The following TTPA variants were observed in gnomAD, a reference collection of about 807,000 sequenced individuals.
The protein encoded by TTPA is alpha tocopherol transfer protein.
Under a neutral mutation model 25.9 loss-of-function variants are expected in TTPA, and 23 were observed. That is an observed-to-expected ratio of 0.89 (90% CI 0.64 to 1.26). The LOEUF (loss-of-function observed/expected upper bound fraction) is 1.26. Among genes scored for constraint, TTPA ranks in the 50% most tolerant of loss-of-function variants. The probability of loss-of-function intolerance (pLI) is 0.00; values close to 1 mark genes in which losing one functional copy is unlikely to be tolerated. For missense variants in TTPA, 337 were observed against 353.1 expected, an observed-to-expected ratio of 0.95 and a Z score of 0.37; for synonymous variants, 148 against 137.3, an observed-to-expected ratio of 1.08 and a Z score of -0.54.
rs1805350182 is a variant in TTPA, at chr8:63,064,112, C to A, written c.663+94G>T. 3 of 836,064 alleles carry A rather than the reference C, an allele frequency of 3.6e-6. No individual in the cohort carries two copies. In the Admixed American group the frequency reaches 6.3e-5, roughly 18 times the overall value. The allele number at this position is 836,064 out of a possible 1,614,324, so 51.8% of individuals were successfully genotyped here. On this transcript the variant is annotated intron_variant, in intron 4 of 4. Coordinates refer to ENST00000260116, the MANE Select transcript of TTPA (RefSeq NM_000370.3). ...ATATTGGGCTAATGATATAGATGGG[C>A]AGGTACGAGGAAAGATGATAAAGCA...
Position 63,085,831 on chromosome 8 carries a change from T to C in TTPA, c.191A>G (p.Asp64Gly), listed in dbSNP as rs397515523. The C allele has an allele frequency of 6.5e-7, 1 of 1,536,446 alleles. No homozygotes were observed. Among genetic ancestry groups the C allele is most frequent in the South Asian group, 1.2e-5 (1 of 83,642 alleles). The change falls in exon 1 of 5, where the codon GAC becomes GGC. Residue 64 changes from aspartate (D) to glycine (G), a missense_variant. Asp to Gly is a moderately conservative substitution (Grantham distance 94). Transcript: ENST00000260116. ...ACGCACGCTTACCCGCCAGGCCAGG[T>C]CCAGATCGAAATCCCGGGCGCGCAG... ...RFLRARDFDL[D>G]LAWRLLKNYY...
chr8:63,078,358 G>C (rs757456663), intron 1 of TTPA, among the ~76,000 whole-genome samples: 25 of 152,156 alleles, frequency 1.6e-4, no homozygotes, highest in Non-Finnish European at 2.8e-4. Context: ...ACAGAAGTAG[G>C]CTTCACAAGG....
intron 1 of TTPA, among the ~76,000 whole-genome samples, chr8:63,080,028 G>T (rs1214410673): frequency 1.3e-5 from 2 of 152,088 alleles, no homozygotes; most frequent in South Asian, 2.1e-4. Flanking sequence ...ACTCAAAACC[G>T]CACAACTACA....
intron 4 of TTPA, 84 bp from the exon 5 acceptor site, chr8:63,061,509 A>C: frequency 8.2e-7 from 1 of 1,226,504 alleles, no homozygotes; most frequent in Non-Finnish European, 1.2e-6. Context: ...AAGGTATTCT[A>C]ATAACTTCTA....
chr8:63,073,913 C>T (rs1054024164), intron 1 of TTPA, among the ~76,000 whole-genome samples: 4 of 152,048 alleles, frequency 2.6e-5, no homozygotes, highest in African/African-American at 7.2e-5. Context: ...AAAGAACCAC[C>T]GGAAATAGCT....
chr8:63,078,046 T>A (rs1036637176), intron 1 of TTPA, among the ~76,000 whole-genome samples: 1 of 152,124 alleles, frequency 6.6e-6, no homozygotes, highest in Non-Finnish European at 1.5e-5. Flanking sequence ...GCAAACAGGG[T>A]CTGGAATGGA....
At chr8:63,069,502 G>A (rs1805449356) in intron 2 of TTPA, among the ~76,000 whole-genome samples, 2 of 151,998 alleles carry the variant, frequency 1.3e-5, no homozygotes, top group African/African-American at 4.8e-5. Flanking sequence ...GTCTGATGGG[G>A]GAGGATTGCT....
chr8:63,072,970 T>A lies in TTPA; in HGVS notation c.323A>T (p.Asp108Val). The A allele has an allele frequency of 2.5e-6, 4 of 1,614,106 alleles. No individual in the cohort carries two copies. Among genetic ancestry groups the A allele is most frequent in the African/African-American group, 1.3e-5 (1 of 75,038 alleles). ...AGYHGVLRSR[D>V]PTGSKVLIYR... The stretch of plus-strand genomic sequence containing the variant: ...AATAAGAACTTTGCTGCCAGTGGGA[T>A]CCCTGGATCTCAGGACTCCATGGTA... Residue 108 changes from aspartate to valine, a missense_variant, in exon 2 of 5, where the codon GAT becomes GTT. Transcript: ENST00000260116.
At chr8:63,078,541 G>A (rs1214809746) in intron 1 of TTPA, among the ~76,000 whole-genome samples, 3 of 152,196 alleles carry the variant, frequency 2.0e-5, no homozygotes, top group Non-Finnish European at 4.4e-5. Flanking sequence ...TGTGATGCAC[G>A]CACAAGCTTC....
At chr8:63,077,918 A>G (rs190934158) in intron 1 of TTPA, among the ~76,000 whole-genome samples, 5 of 152,302 alleles carry the variant, frequency 3.3e-5, no homozygotes, top group Admixed American at 3.3e-4. Context: ...AGGGGCCGAC[A>G]GACACCTCAT....
intron 1 of TTPA, among the ~76,000 whole-genome samples, chr8:63,083,341 C>T (rs1022776091): frequency 3.9e-5 from 6 of 152,132 alleles, no homozygotes; most frequent in Admixed American, 2.6e-4. Flanking sequence ...TTTGCAGGGA[C>T]GTGGACGAAG....
chr8:63,058,435 T>C (rs978235221), downstream of TTPA, among the ~76,000 whole-genome samples: 4 of 152,228 alleles, frequency 2.6e-5, no homozygotes, highest in African/African-American at 9.6e-5. Flanking sequence ...TTATTTTCTT[T>C]CAAACAATAT....
At chr8:63,084,218 G>A (rs1307031214) in intron 1 of TTPA, among the ~76,000 whole-genome samples, 1 of 152,114 alleles carries the variant, frequency 6.6e-6, no homozygotes, top group Non-Finnish European at 1.5e-5. Context: ...AAGACAGTTT[G>A]TTATATTACT....
intron 1 of TTPA, among the ~76,000 whole-genome samples, chr8:63,073,375 C>T (rs1158135410): frequency 1.3e-5 from 2 of 152,308 alleles, no homozygotes; most frequent in African/African-American, 4.8e-5. Context: ...ATGCACCATT[C>T]TTCCCATTAA....
At chr8:63,085,120 A>T (rs1805727229) in intron 1 of TTPA, among the ~76,000 whole-genome samples, 1 of 152,220 alleles carries the variant, frequency 6.6e-6, no homozygotes, top group Admixed American at 6.5e-5. Flanking sequence ...TCAATGAGAC[A>T]GGCATTTCCA....
At chr8:63,066,546 T>C (rs1306200257) in intron 2 of TTPA, among the ~76,000 whole-genome samples, 2 of 152,272 alleles carry the variant, frequency 1.3e-5, no homozygotes, top group South Asian at 4.2e-4. Flanking sequence ...CTTCCAGTAG[T>C]AAGCAGCACA....
In TTPA at chr8:63,067,620, CTTTTA is replaced by C. The variant is rs1482824796; in HGVS notation, c.359-1528_359-1524del. On this transcript the variant is annotated intron_variant, in intron 2 of 4. Transcript: ENST00000260116. Reference sequence around the variant, plus strand: ...GCACCATTTATTTATTTATTTTCAACTTTTATTTTAGATTCAGGGGGTGCATGTGC... The same window carrying C: ...GCACCATTTATTTATTTATTTTCAACTTTTAGATTCAGGGGGTGCATGTGC... Among the ~76,000 whole-genome samples the C allele has an allele frequency of 2.7e-5, 4 of 150,178 alleles. No individual in the cohort carries two copies. In the East Asian group the frequency reaches 7.8e-4, roughly 29 times the overall value.
At chr8:63,069,303 A>G (rs535037179) in intron 2 of TTPA, among the ~76,000 whole-genome samples, 58 of 152,262 alleles carry the variant, frequency 3.8e-4, no homozygotes, top group African/African-American at 1.3e-3. Context: ...AAAAAAAAAA[A>G]AAGAACATAT....
rs1170277972 is a variant in TTPA at position 63,059,778 on chromosome 8, A to ATTTATT, written c.*1468_*1473dup. ...GTACATCTTTACCGGTTATTTATTT[A>ATTTATT]TTTATTTTTATTTTTATTTTTTAAT... On this transcript the variant is annotated 3_prime_UTR_variant, in exon 5 of 5. Transcript: ENST00000260116. 6.6e-6 allele frequency: 1 copy of ATTTATT among 151,998 alleles called. No homozygotes were observed. The highest frequency in any genetic ancestry group is 1.9e-4 in the East Asian group (1 of 5,200). The allele number at this position is 151,998 out of a possible 1,614,324, so 9.4% of individuals were successfully genotyped here. A position where few individuals can be genotyped will look rare whatever the true frequency, so the allele number is the denominator to read the frequency against.
Sources: gnomAD v4.1 joint callset for allele counts (sites outside exome capture counted in the v4.1 genomes callset) on GRCh38, gnomAD v4.1.1 for gene constraint, MANE v1.5 for transcripts, NCBI Gene and HGNC (gene_info 2026-07-23, HGNC 2026-07-21) for gene names.